Variants in OTULIN observed in about 807,000 individuals in gnomAD.
OTULIN encodes the protein ubiquitin thioesterase otulin.
Under a neutral mutation model 39.6 loss-of-function variants are expected in OTULIN, and 15 were observed. The observed-to-expected ratio is 0.38, with a 90% CI of 0.25 to 0.58. OTULIN has a LOEUF of 0.58. OTULIN is among the 20% of genes least tolerant of loss of function. The probability of loss-of-function intolerance (pLI) is 0.66; values close to 1 mark genes in which losing one functional copy is unlikely to be tolerated. For missense variants in OTULIN, 319 were observed against 445.9 expected, an observed-to-expected ratio of 0.72 and a Z score of 2.56; for synonymous variants, 156 against 170.3, an observed-to-expected ratio of 0.92 and a Z score of 0.65.
chr5:14,667,147 A>G (rs182795560), intron 1 of OTULIN, among the ~76,000 whole-genome samples: 1 of 152,328 alleles, frequency 6.6e-6, no homozygotes, highest in Admixed American at 6.5e-5. Flanking sequence ...GTCATTTTTA[A>G]TACATTCAGT....
chr5:14,692,679 C>CTT (rs33978265), intron 6 of OTULIN, among the ~76,000 whole-genome samples, 175 bp from the exon 7 acceptor site: 284 of 143,168 alleles, frequency 2.0e-3, no homozygotes, highest in Middle Eastern at 3.6e-3. Context: ...TGATTATCTG[C>CTT]TTTTTTTTTT....
In OTULIN at chr5:14,690,101, C is replaced by T; in HGVS notation, c.657C>T (p.Phe219=). ...EARQIACDEL[F]TNEAEEYSLY... ...GACAGATAGCTTGTGATGAACTATT[C>T]ACAAATGAGGCGGAGGAATATAGCC... The change falls in exon 6 of 7, where the codon TTC becomes TTT. Residue 219 remains phenylalanine (F), a synonymous_variant. Transcript: ENST00000284274. This position sits in a 1 kb window ranked among gnomAD's most constrained non-coding sequence, Gnocchi z 4.5. The T allele has an allele frequency of 6.2e-7, 1 of 1,614,160 alleles. No homozygotes were observed. Among genetic ancestry groups the T allele is most frequent in the African/African-American group, 1.3e-5 (1 of 75,042 alleles).
chr5:14,703,873 A>C (rs1736863462), downstream of OTULIN, among the ~76,000 whole-genome samples: 1 of 152,184 alleles, frequency 6.6e-6, no homozygotes, highest in South Asian at 2.1e-4. Context: ...ATTTTAACAA[A>C]AGGAGCAGTA....
chr5:14,710,374 C>T, the OTULIN span: 1 of 152,292 alleles, frequency 6.6e-6, no homozygotes, highest in African/African-American at 2.4e-5. Flanking sequence ...AAAAGTCATG[C>T]GGCAGGGTCT....
In OTULIN at chr5:14,690,623, A is replaced by T. The variant is rs1449107191; in HGVS notation, c.864+315A>T. Among the ~76,000 whole-genome samples, 1 of 152,172 alleles carries T rather than the reference A, an allele frequency of 6.6e-6. No homozygotes were observed. The highest frequency in any genetic ancestry group is 1.5e-5 in the Non-Finnish European group (1 of 68,026). Reference sequence around the variant, plus strand: ...CACAGGGCTGCTTGAGTGTCCTTACAACATGGCAGCTGGCTTCTCAGAGTG... The same window carrying T: ...CACAGGGCTGCTTGAGTGTCCTTACTACATGGCAGCTGGCTTCTCAGAGTG... On this transcript the variant is annotated intron_variant, in intron 6 of 6. Coordinates refer to ENST00000284274, the MANE Select transcript of OTULIN (RefSeq NM_138348.6). This position sits in a 1 kb window ranked among gnomAD's most constrained non-coding sequence, Gnocchi z 4.5.
chr5:14,713,216 G>C, the OTULIN span, among the ~76,000 whole-genome samples: 1 of 152,216 alleles, frequency 6.6e-6, no homozygotes, highest in Middle Eastern at 3.4e-3. The surrounding 1 kb of genome is among the most constrained non-coding windows in gnomAD (Gnocchi z 4.4). Context: ...CCCTCCCCAG[G>C]ACGCTGGGAG....
rs1012446357 is a variant in OTULIN, at chr5:14,664,719, G to C, written c.-107G>C. On this transcript the variant is annotated 5_prime_UTR_variant, in exon 1 of 7. Transcript: ENST00000284274. ...CGCGGAAGCGCTCTGCGGGCCCTCG[G>C]AAACCGCCCCGGCGGCTGAGAGGCT... 5 of 1,067,122 alleles carry C rather than the reference G, an allele frequency of 4.7e-6. No homozygotes were observed. The highest frequency in any genetic ancestry group is 5.7e-6 in the Non-Finnish European group (5 of 877,762). 66.1% of individuals were successfully genotyped at this position (1,067,122 alleles called of 1,614,324 possible). A position where few individuals can be genotyped will look rare whatever the true frequency, so the allele number is the denominator to read the frequency against.
downstream of OTULIN, among the ~76,000 whole-genome samples, chr5:14,701,639 CCCT>C (rs1736798187): frequency 6.6e-6 from 1 of 152,012 alleles, no homozygotes; most frequent in African/African-American, 2.4e-5. Context: ...TACTTTTTTG[CCCT>C]CCTCGTGTTG....
chr5:14,692,833 C>T (rs1286926156), intron 6 of OTULIN, 21 bp from the exon 7 acceptor site: 19 of 1,608,522 alleles, frequency 1.2e-5, no homozygotes, highest in Non-Finnish European at 1.5e-5. Flanking sequence ...CCTCAGAATA[C>T]CCGTTTGCTC....
At chr5:14,713,006 T>C in the OTULIN span, 5 of 1,591,672 alleles carry the variant, frequency 3.1e-6, no homozygotes, top group African/African-American at 1.3e-5. This position sits in a 1 kb window ranked among gnomAD's most constrained non-coding sequence, Gnocchi z 4.4. Context: ...AATTTGTCTG[T>C]TAAGGCCAAG....
In OTULIN at chr5:14,699,512, C is replaced by T. The variant is rs1055111907; in HGVS notation, c.*6464C>T. ...AGTGGCCCATTCATTTGGATTGATA[C>T]ACTTTTTCAGTGTCAGAAATGCACT... On this transcript the variant is annotated 3_prime_UTR_variant, in exon 7 of 7. Transcript: ENST00000284274. 6.6e-6 allele frequency: 1 copy of T among 152,240 alleles called. No homozygotes were observed. The highest frequency in any genetic ancestry group is 1.5e-5 in the Non-Finnish European group (1 of 68,066). The allele number at this position is 152,240 out of a possible 1,614,324, so 9.4% of individuals were successfully genotyped here.
chr5:14,713,171 C>T, the OTULIN span, among the ~76,000 whole-genome samples: 15 of 152,180 alleles, frequency 9.9e-5, no homozygotes, highest in Admixed American at 2.6e-4. The surrounding 1 kb of genome is among the most constrained non-coding windows in gnomAD (Gnocchi z 4.4). Flanking sequence ...GGGCCACCTC[C>T]CTCCCACAGC....
rs1379715381 is a variant in OTULIN, at chr5:14,690,783, T to G, written c.864+475T>G. Reference sequence around the variant, plus strand: ...TTCCACTCTCAAGAGGAGGGGAATTTGGCTCCACCTTTTTGAATGAGGGGT... The same window carrying G: ...TTCCACTCTCAAGAGGAGGGGAATTGGGCTCCACCTTTTTGAATGAGGGGT... On this transcript the variant is annotated intron_variant, in intron 6 of 6. Coordinates refer to ENST00000284274, the MANE Select transcript of OTULIN (RefSeq NM_138348.6). This position sits in a 1 kb window ranked among gnomAD's most constrained non-coding sequence, Gnocchi z 4.5. Among the ~76,000 whole-genome samples the G allele has an allele frequency of 6.6e-6, 1 of 152,214 alleles. No homozygotes were observed. The highest frequency in any genetic ancestry group is 1.9e-4 in the East Asian group (1 of 5,198).
At chr5:14,707,669 G>T in the OTULIN span, 1 of 152,234 alleles carries the variant, frequency 6.6e-6, no homozygotes, top group South Asian at 2.1e-4. Context: ...ACCTCCCAAG[G>T]TTATTTATTG....
At chr5:14,700,432 C>T (rs1736773081), downstream of OTULIN, among the ~76,000 whole-genome samples, 1 of 152,154 alleles carries the variant, frequency 6.6e-6, no homozygotes, top group African/African-American at 2.4e-5. Flanking sequence ...ATGGGAATGC[C>T]TGCATCCATT....
In OTULIN at chr5:14,664,774, G is replaced by T; in HGVS notation, c.-52G>T. ...CCACTGCCTGGCACCCCGACGGGAG[G>T]GGCTCCGGATCGTTCGGAGCCGGCT... On this transcript the variant is annotated 5_prime_UTR_variant, in exon 1 of 7. Transcript: ENST00000284274. 8.8e-7 allele frequency: 1 copy of T among 1,133,722 alleles called. No homozygotes were observed. The highest frequency in any genetic ancestry group is 4.1e-5 in the South Asian group (1 of 24,138). The allele number at this position is 1,133,722 out of a possible 1,614,324, so 70.2% of individuals were successfully genotyped here.
chr5:14,689,139 G>T (rs1736459026), intron 5 of OTULIN, among the ~76,000 whole-genome samples: 1 of 152,160 alleles, frequency 6.6e-6, no homozygotes, highest in Non-Finnish European at 1.5e-5. Context: ...AACCACCACA[G>T]CTGCTCTGTG....
At chr5:14,691,042 A>G (rs1736512093) in intron 6 of OTULIN, among the ~76,000 whole-genome samples, 2 of 152,226 alleles carry the variant, frequency 1.3e-5, no homozygotes, top group South Asian at 4.1e-4. Context: ...GATCTTTTAC[A>G]GATTTGTTAA....
Position 14,698,246 on chromosome 5 carries a change from A to G in OTULIN, c.*5198A>G, listed in dbSNP as rs1369873212. ...GGTGTTTTTCTTCCATGGGTAAGCC[A>G]TTGTGAATGGAGGCTGGTGGAGCAG... On this transcript the variant is annotated 3_prime_UTR_variant, in exon 7 of 7. Transcript: ENST00000284274. 1 of 152,256 alleles carries G rather than the reference A, an allele frequency of 6.6e-6. No individual in the cohort carries two copies. The highest frequency in any genetic ancestry group is 6.5e-5 in the Admixed American group (1 of 15,288). 9.4% of individuals were successfully genotyped at this position (152,256 alleles called of 1,614,324 possible). A position where few individuals can be genotyped will look rare whatever the true frequency, so the allele number is the denominator to read the frequency against.
Sources: allele counts gnomAD v4.1 joint callset (sites outside exome capture counted in the v4.1 genomes callset), GRCh38; gene constraint gnomAD v4.1.1; non-coding constraint Gnocchi (gnomAD v3.1); transcripts MANE v1.5; gene names NCBI Gene and HGNC (gene_info 2026-07-23, HGNC 2026-07-21).